The following KIF25 variants were observed in gnomAD, a reference collection of about 807,000 sequenced individuals.
KIF25 encodes the protein kinesin family member 25.
Under a neutral mutation model 32.9 loss-of-function variants are expected in KIF25, and 19 were observed. The ratio of observed to expected loss-of-function variants is 0.58; its 90% confidence interval spans 0.40 to 0.85. The LOEUF (loss-of-function observed/expected upper bound fraction) is 0.85. Among genes scored for constraint, KIF25 ranks in the 40% least tolerant of loss-of-function variants. The pLI, the probability that KIF25 is intolerant of heterozygous loss-of-function variation, is 0.00. For missense variants in KIF25, 485 were observed against 507.0 expected (o/e 0.96, Z 0.42); for synonymous variants, 225 against 213.7 (o/e 1.05, Z -0.46).
chr6:168,019,647 C>T (rs1274077548), intron 5 of KIF25, among the ~76,000 whole-genome samples: 1 of 152,144 alleles, frequency 6.6e-6, no homozygotes, highest in South Asian at 2.1e-4. Flanking sequence ...GAGCTTGAGG[C>T]CCCTGGACGG....
intron 8 of KIF25, among the ~76,000 whole-genome samples, chr6:168,037,645 TTCTCTC>T (rs35282663): frequency 2.4e-4 from 35 of 146,746 alleles, no homozygotes; most frequent in South Asian, 8.6e-4. Flanking sequence ...AAGGTTTTAT[TTCTCTC>T]TCTCTCTCTC....
At chr6:168,000,757 G>C (rs1798489646) in intron 2 of KIF25, among the ~76,000 whole-genome samples, 2 of 152,168 alleles carry the variant, frequency 1.3e-5, no homozygotes, top group South Asian at 4.1e-4. Flanking sequence ...AACGCCATAT[G>C]GGGTTGGCCG....
chr6:168,041,223 GA>G (rs1342798022), intron 10 of KIF25, among the ~76,000 whole-genome samples: 3 of 152,232 alleles, frequency 2.0e-5, no homozygotes, highest in African/African-American at 7.2e-5. Flanking sequence ...CGTGGCACTT[GA>G]AACATTTGGC....
Position 168,030,786 on chromosome 6 carries a change from G to T in KIF25, c.106G>T (p.Ala36Ser), listed in dbSNP as rs748215968. The T allele has an allele frequency of 3.1e-6, 5 of 1,612,632 alleles. No homozygotes were observed. The highest frequency in any genetic ancestry group is 3.3e-5 in the Admixed American group (2 of 59,786). ...TTTGTCTCTCAGGGTTTATGGTCCA[G>T]CAGAGTCTCAGAGCGCGGTCTTTGG... Reference protein sequence around the residue: ...DDKDLRVYGPAESQSAVFGDV... With the variant: ...DDKDLRVYGPSESQSAVFGDV... The change falls in exon 7 of 13, where the codon GCA (alanine) becomes TCA (serine). Residue 36 changes from alanine (A) to serine (S), a missense_variant. Physicochemically the swap from Ala to Ser is moderately conservative, Grantham distance 99. Transcript: ENST00000643607.
At chr6:168,034,861 A>G (rs1798993652) in intron 8 of KIF25, among the ~76,000 whole-genome samples, 1 of 152,204 alleles carries the variant, frequency 6.6e-6, no homozygotes, top group Non-Finnish European at 1.5e-5. Context: ...ATAAAATAGT[A>G]AAAAGTCGTC....
intron 5 of KIF25, among the ~76,000 whole-genome samples, chr6:168,018,396 G>A (rs1798744429): frequency 6.6e-6 from 1 of 152,156 alleles, no homozygotes; most frequent in African/African-American, 2.4e-5. Context: ...AGGCAAGCTA[G>A]GCTGAGCTAC....
Position 168,038,533 on chromosome 6 carries a change from T to G in KIF25, c.318-20T>G. On this transcript the variant is annotated intron_variant, in intron 8 of 12. Coordinates refer to ENST00000643607, the MANE Select transcript of KIF25 (RefSeq NM_030615.4). Reference sequence around the variant, plus strand: ...CTCTGTGAGACTTTCTGTAAGTTTCTCTTGTGTGTTTTCCCGCAGGCTCAT... The same window carrying G: ...CTCTGTGAGACTTTCTGTAAGTTTCGCTTGTGTGTTTTCCCGCAGGCTCAT... The G allele has an allele frequency of 2.5e-6, 4 of 1,613,046 alleles. No individual in the cohort carries two copies. Among genetic ancestry groups the G allele is most frequent in the Non-Finnish European group, 2.5e-6 (3 of 1,179,230 alleles).
intron 7 of KIF25, 39 bp downstream of exon 7, chr6:168,030,886 C>T: frequency 6.8e-7 from 1 of 1,461,114 alleles, no homozygotes; most frequent in Non-Finnish European, 9.6e-7. Context: ...ATCATAGTTA[C>T]ATTTGAATAT....
intron 8 of KIF25, among the ~76,000 whole-genome samples, chr6:168,035,466 G>GGGGCGGGAACGGCGCTGCGGGGC (rs1562390555): frequency 4.4e-5 from 5 of 112,688 alleles, no homozygotes; most frequent in Non-Finnish European, 7.9e-5. Context: ...CGCTGCGGGG[G>GGGGCGGGAACGGCGCTGCGGGGC]GGGCGGGAAC....
intron 4 of KIF25, among the ~76,000 whole-genome samples, chr6:168,012,759 G>T (rs988406455): frequency 6.6e-6 from 1 of 152,162 alleles, no homozygotes; most frequent in Non-Finnish European, 1.5e-5. Flanking sequence ...TGTTTCCCAT[G>T]TCTGGGTCAC....
intron 11 of KIF25, 32 bp downstream of exon 11, chr6:168,042,183 G>A (rs990641173): frequency 6.5e-7 from 1 of 1,539,390 alleles, no homozygotes; most frequent in Non-Finnish European, 8.8e-7. Context: ...CCTGGGGGGT[G>A]GGTGCTGCAG....
At chr6:168,032,520 C>T (rs528231972) in intron 7 of KIF25, among the ~76,000 whole-genome samples, 85 of 152,332 alleles carry the variant, frequency 5.6e-4, no homozygotes, top group African/African-American at 1.8e-3. Flanking sequence ...ACGCAGAGGC[C>T]TGATCAGCTT....
At chr6:167,998,934 C>G (rs1218810805) in intron 1 of KIF25, 64 bp downstream of exon 1, 1 of 152,228 alleles carries the variant, frequency 6.6e-6, no homozygotes, top group East Asian at 1.9e-4. Context: ...CACCTGTCAT[C>G]CCAGCTACTC....
rs754246969 is a variant in KIF25, at chr6:168,040,204, T to A, written c.634T>A (p.Ser212Thr). The A allele has an allele frequency of 6.2e-7, 1 of 1,612,716 alleles. No individual in the cohort carries two copies. The highest frequency in any genetic ancestry group is 8.5e-7 in the Non-Finnish European group (1 of 1,179,490). ...ITVTLTTASC[S>T]DSTADQACSA... ...GGTGACTCTAACCACAGCCTCCTGC[T>A]CTGACAGCACTGGTAAGTCACCATT... Residue 212 changes from serine (S) to threonine (T), a missense_variant, in exon 10 of 13, where the codon TCT becomes ACT. Transcript: ENST00000643607.
intron 9 of KIF25, 36 bp from the exon 10 acceptor site, chr6:168,040,029 C>T (rs746319748): frequency 6.3e-7 from 1 of 1,587,150 alleles, no homozygotes; most frequent in Non-Finnish European, 8.6e-7. Context: ...GGGGGGCCGC[C>T]CTCACTGTGT....
At chr6:168,038,063 A>T (rs879659195) in intron 8 of KIF25, among the ~76,000 whole-genome samples, 1 of 152,102 alleles carries the variant, frequency 6.6e-6, no homozygotes, top group African/African-American at 2.4e-5. Context: ...GTCTTGCAGG[A>T]AAGTTGCAGT....
intron 2 of KIF25, among the ~76,000 whole-genome samples, chr6:168,001,950 G>A (rs111624815): frequency 1.3e-4 from 14 of 106,448 alleles, no homozygotes; most frequent in Non-Finnish European, 2.2e-4. Flanking sequence ...CACCTGAGGC[G>A]TGGCCGCGGG....
chr6:168,016,165 G>A (rs575409737), intron 4 of KIF25, among the ~76,000 whole-genome samples: 174 of 152,256 alleles, frequency 1.1e-3, no homozygotes, highest in African/African-American at 4.1e-3. Flanking sequence ...TTCTTATGGC[G>A]AGGCCAGGGG....
intron 8 of KIF25, among the ~76,000 whole-genome samples, chr6:168,035,467 G>A (rs1237497999): frequency 1.6e-4 from 23 of 141,072 alleles, no homozygotes; most frequent in African/African-American, 5.2e-4. Flanking sequence ...GCTGCGGGGG[G>A]GGCGGGAACG....
Sources: gnomAD v4.1 joint callset for allele counts (sites outside exome capture counted in the v4.1 genomes callset) on GRCh38, gnomAD v4.1.1 for gene constraint, MANE v1.5 for transcripts, NCBI Gene and HGNC (gene_info 2026-07-23, HGNC 2026-07-21) for gene names.